The following FAT3 variants were observed in gnomAD, a reference collection of about 807,000 sequenced individuals.
The protein encoded by FAT3 is FAT atypical cadherin 3.
A neutral mutation model predicts 310.2 loss-of-function variants in FAT3; 95 were observed. The observed-to-expected ratio is 0.31, with a 90% CI of 0.26 to 0.36. The LOEUF is 0.36. Ranked by LOEUF, FAT3 falls within the 10% of genes least tolerant of loss-of-function variation. FAT3 has a pLI of 1.00. For missense variants in FAT3, 5,408 were observed against 5,715.6 expected (o/e 0.95, Z 1.74); for synonymous variants, 2,314 against 2,192.9 (o/e 1.06, Z -1.54).
intron 22 of FAT3, 98 bp from the exon 23 acceptor site, chr11:92,880,633 C>A: frequency 2.2e-6 from 3 of 1,369,210 alleles, no homozygotes; most frequent in Non-Finnish European, 3.0e-6. Context: ...TCCTATTATA[C>A]GGTTCAACAA....
chr11:92,718,647 C>T (rs1333933271), intron 4 of FAT3, among the ~76,000 whole-genome samples: 2 of 152,168 alleles, frequency 1.3e-5, no homozygotes, highest in Admixed American at 1.3e-4. Context: ...TCTACCCTCT[C>T]CATCCTCTAC....
intron 3 of FAT3, among the ~76,000 whole-genome samples, chr11:92,533,100 C>T (rs574156749): frequency 1.3e-5 from 2 of 152,162 alleles, no homozygotes; most frequent in African/African-American, 4.8e-5. Flanking sequence ...GTAGCATGAT[C>T]ATAGCTTACT....
chr11:92,228,227 G>T (rs1446326607), intron 1 of FAT3, among the ~76,000 whole-genome samples: 1 of 152,186 alleles, frequency 6.6e-6, no homozygotes, highest in Non-Finnish European at 1.5e-5. Flanking sequence ...CACAGCCAGG[G>T]TTTGTTGACC....
intron 1 of FAT3, among the ~76,000 whole-genome samples, chr11:92,324,711 G>T (rs1304882998): frequency 6.6e-6 from 1 of 152,336 alleles, no homozygotes; most frequent in African/African-American, 2.4e-5. Flanking sequence ...CGATAGACTT[G>T]CTCAAAGCAG....
At chr11:92,710,039 A>G (rs1247798501) in intron 4 of FAT3, among the ~76,000 whole-genome samples, 2 of 152,204 alleles carry the variant, frequency 1.3e-5, no homozygotes, top group Admixed American at 6.5e-5. Flanking sequence ...CTCCAGGCTA[A>G]CGTATACCTT....
Position 92,376,211 on chromosome 11 carries a change from C to T in FAT3, c.3292+20807C>T, listed in dbSNP as rs527562946. 3.5e-4 allele frequency among the ~76,000 whole-genome samples: 54 copies of T among 152,244 alleles called. No homozygotes were observed. The South Asian group carries it at 1.0e-2, about 28-fold the overall frequency. On this transcript the variant is annotated intron_variant, in intron 2 of 27. Transcript: ENST00000525166. ...AGTACTGGGATGTGGCAAAGTCTCC[C>T]CTGGAATTGACTGGCAGACCACTTT...
intron 3 of FAT3, among the ~76,000 whole-genome samples, chr11:92,640,033 C>T (rs1941901373): frequency 6.6e-6 from 1 of 152,160 alleles, no homozygotes; most frequent in African/African-American, 2.4e-5. Flanking sequence ...CCAGACCCTA[C>T]TTATCATTTT....
chr11:92,229,492 GTTTTTT>G (rs780129800), intron 1 of FAT3, among the ~76,000 whole-genome samples: 1 of 60,236 alleles, frequency 1.7e-5, no homozygotes, highest in South Asian at 7.0e-4. Context: ...GTTTTTTCGT[GTTTTTT>G]TTTTTTTTGT....
rs533918961 is a variant in FAT3 at position 92,665,836 on chromosome 11, C to T, written c.3608-31548C>T. 7.9e-5 allele frequency among the ~76,000 whole-genome samples: 12 copies of T among 152,192 alleles called. No individual in the cohort carries two copies. The East Asian group carries it at 1.9e-3, about 24-fold the overall frequency. On this transcript the variant is annotated intron_variant, in intron 3 of 27. Coordinates refer to ENST00000525166, the MANE Select transcript of FAT3 (RefSeq NM_001367949.2). ...GACATTTCCTGTGGTGGAAAGATACCGGTTCCTCTAATTTGGTCTTCCTTC... is the reference window on the plus strand; with the variant it reads ...GACATTTCCTGTGGTGGAAAGATACTGGTTCCTCTAATTTGGTCTTCCTTC...
intron 3 of FAT3, among the ~76,000 whole-genome samples, chr11:92,583,229 T>C (rs1270105745): frequency 6.6e-6 from 1 of 152,080 alleles, no homozygotes; most frequent in African/African-American, 2.4e-5. Context: ...TGGAATATTG[T>C]CTTTGAATAG....
At chr11:92,841,829 G>C (rs1948557938) in intron 18 of FAT3, among the ~76,000 whole-genome samples, 1 of 152,116 alleles carries the variant, frequency 6.6e-6, no homozygotes, top group African/African-American at 2.4e-5. Context: ...CTGCCTCACT[G>C]TATTCTGCAC....
intron 1 of FAT3, among the ~76,000 whole-genome samples, chr11:92,284,930 C>G (rs999003965): frequency 1.3e-5 from 2 of 152,100 alleles, no homozygotes; most frequent in Non-Finnish European, 2.9e-5. Context: ...TCAGGGACAT[C>G]AGAAACAGGA....
At chr11:92,599,242 G>A (rs947078810) in intron 3 of FAT3, among the ~76,000 whole-genome samples, 2 of 152,160 alleles carry the variant, frequency 1.3e-5, no homozygotes, top group Non-Finnish European at 1.5e-5. Context: ...GGCTGGGGAG[G>A]CCTCAGGAAA....
At chr11:92,493,099 A>G (rs991745120) in intron 2 of FAT3, among the ~76,000 whole-genome samples, 16 of 152,088 alleles carry the variant, frequency 1.1e-4, no homozygotes, top group Non-Finnish European at 2.9e-5. Flanking sequence ...CTCTAAGTCT[A>G]GTCAAGACGT....
At chr11:92,779,364 G>A (rs1315052456) in intron 7 of FAT3, among the ~76,000 whole-genome samples, 2 of 152,044 alleles carry the variant, frequency 1.3e-5, no homozygotes, top group African/African-American at 4.8e-5. Context: ...GCAGGTTTGG[G>A]GCAGGAGCCT....
At chr11:92,660,843 C>CGAG in intron 3 of FAT3, among the ~76,000 whole-genome samples, 1 of 152,164 alleles carries the variant, frequency 6.6e-6, no homozygotes, top group Non-Finnish European at 1.5e-5. Flanking sequence ...AGAATCTTCT[C>CGAG]TACAATCATA....
At chr11:92,261,843 G>T (rs1360667075) in intron 1 of FAT3, among the ~76,000 whole-genome samples, 3 of 152,012 alleles carry the variant, frequency 2.0e-5, no homozygotes, top group African/African-American at 7.2e-5. Flanking sequence ...GGATGACAAG[G>T]CATTTTACCA....
intron 2 of FAT3, among the ~76,000 whole-genome samples, chr11:92,362,062 A>G (rs936966042): frequency 6.6e-6 from 1 of 152,024 alleles, no homozygotes; most frequent in Non-Finnish European, 1.5e-5. Flanking sequence ...TTTTTTTTCT[A>G]TATCTGGTGT....
At chr11:92,496,199 A>G (rs918996148) in intron 2 of FAT3, among the ~76,000 whole-genome samples, 1 of 152,084 alleles carries the variant, frequency 6.6e-6, no homozygotes, top group Non-Finnish European at 1.5e-5. Flanking sequence ...TAACGTATGT[A>G]GCCTTTTGCT....
Sources: allele counts gnomAD v4.1 joint callset (sites outside exome capture counted in the v4.1 genomes callset), GRCh38; gene constraint gnomAD v4.1.1; transcripts MANE v1.5; gene names NCBI Gene and HGNC (gene_info 2026-07-23, HGNC 2026-07-21).